Variants in TAOK3 observed in about 807,000 individuals in gnomAD.
The protein encoded by TAOK3 is TAO kinase 3.
A neutral mutation model predicts 120.4 loss-of-function variants in TAOK3; 40 were observed. The observed-to-expected ratio is 0.33, with a 90% confidence interval of 0.26 to 0.43. The LOEUF (loss-of-function observed/expected upper bound fraction) is 0.43. TAOK3 is among the 20% of genes least tolerant of loss of function. The pLI, the probability that TAOK3 is intolerant of heterozygous loss-of-function variation, is 1.00. For synonymous variants in TAOK3, 355 were observed against 387.5 expected (o/e 0.92, Z 0.99); for missense variants, 821 against 1,112.1 (o/e 0.74, Z 3.72).
chr12:118,220,499 T>C (rs542220150), intron 9 of TAOK3, among the ~76,000 whole-genome samples: 1 of 151,488 alleles, frequency 6.6e-6, no homozygotes, highest in East Asian at 2.0e-4. Context: ...CTTCATTCAC[T>C]ATTAGAAGGA....
At chr12:118,206,992 T>C (rs1295136889) in intron 11 of TAOK3, among the ~76,000 whole-genome samples, 1 of 152,126 alleles carries the variant, frequency 6.6e-6, no homozygotes, top group African/African-American at 2.4e-5. Context: ...CTCAAAAATA[T>C]GTTTACTTTC....
At chr12:118,358,142 A>T (rs563152090) in intron 1 of TAOK3, among the ~76,000 whole-genome samples, 48 of 152,292 alleles carry the variant, frequency 3.2e-4, no homozygotes, top group Middle Eastern at 3.4e-3. Flanking sequence ...TTTTGCATTA[A>T]CTTTTTAACA....
intron 1 of TAOK3, among the ~76,000 whole-genome samples, chr12:118,307,758 T>G (rs1323050620): frequency 1.3e-5 from 2 of 152,104 alleles, no homozygotes; most frequent in Non-Finnish European, 2.9e-5. Context: ...AAAACAAAAG[T>G]TCTGAATGCT....
intron 17 of TAOK3, among the ~76,000 whole-genome samples, chr12:118,168,986 TTCCTTCCTTCCTTC>T (rs1565885634): frequency 3.6e-4 from 49 of 134,864 alleles, no homozygotes; most frequent in Admixed American, 2.8e-3. Context: ...CCTTCCTTCC[TTCCTTCCTTCCTTC>T]CTTTCTTTCT....
intron 9 of TAOK3, among the ~76,000 whole-genome samples, chr12:118,226,311 G>A (rs2139723723): frequency 6.6e-6 from 1 of 152,222 alleles, no homozygotes; most frequent in African/African-American, 2.4e-5. Flanking sequence ...GGGAGGCGGA[G>A]CTTGCAGTGA....
chr12:118,212,282 A>G (rs1268632035), intron 11 of TAOK3, among the ~76,000 whole-genome samples: 3 of 152,242 alleles, frequency 2.0e-5, no homozygotes, highest in Admixed American at 2.0e-4. Flanking sequence ...TGCGCCAAAT[A>G]AAAGAAAACA....
At chr12:118,347,026 T>C (rs1434300709) in intron 1 of TAOK3, among the ~76,000 whole-genome samples, 1 of 152,090 alleles carries the variant, frequency 6.6e-6, no homozygotes, top group African/African-American at 2.4e-5. Flanking sequence ...TTAGACCAGG[T>C]CTCGCTCTGT....
chr12:118,209,812 CAAGTGATTCTCCTCCTTGAGCCTCCG>C (rs2038530937), intron 11 of TAOK3, among the ~76,000 whole-genome samples: 1 of 151,810 alleles, frequency 6.6e-6, no homozygotes, highest in African/African-American at 2.4e-5. Context: ...CTCCCAGGCT[CAAGTGATTCTCCTCCTTGAGCCTCCG>C]AAGCAGCTGG....
intron 8 of TAOK3, among the ~76,000 whole-genome samples, chr12:118,234,243 T>TTTTTTTTTTTTTTTTTTC (rs2039922541): frequency 9.3e-6 from 1 of 107,824 alleles, no homozygotes; most frequent in Non-Finnish European, 2.0e-5. Context: ...TTTTTTTTTT[T>TTTTTTTTTTTTTTTTTTC]TTTGAGACGG....
chr12:118,242,689 T>G (rs530487427), intron 5 of TAOK3, among the ~76,000 whole-genome samples: 5 of 152,102 alleles, frequency 3.3e-5, no homozygotes, highest in Admixed American at 1.3e-4. Context: ...GTGAACCCTA[T>G]CTCTACTAAA....
intron 1 of TAOK3, among the ~76,000 whole-genome samples, chr12:118,318,860 G>T (rs1363038811): frequency 6.6e-6 from 1 of 152,214 alleles, no homozygotes; most frequent in Non-Finnish European, 1.5e-5. Flanking sequence ...GGAAAATGTG[G>T]CATGTGTACA....
At chr12:118,335,241 A>G (rs991210544) in intron 1 of TAOK3, among the ~76,000 whole-genome samples, 2 of 152,064 alleles carry the variant, frequency 1.3e-5, no homozygotes, top group African/African-American at 4.8e-5. Flanking sequence ...TGTTCTTACC[A>G]CAATAACATA....
At chr12:118,189,701 C>T in intron 14 of TAOK3, 106 bp downstream of exon 14, 1 of 1,362,016 alleles carries the variant, frequency 7.3e-7, no homozygotes, top group Non-Finnish European at 1.0e-6. Context: ...ATTCTTGACT[C>T]CTTTCCTCCC....
At chr12:118,155,738 T>G (rs1171093211) in intron 19 of TAOK3, among the ~76,000 whole-genome samples, 1 of 152,084 alleles carries the variant, frequency 6.6e-6, no homozygotes, top group Non-Finnish European at 1.5e-5. Flanking sequence ...CTCTCTCATC[T>G]TATTTATTTT....
chr12:118,239,368 G>T, intron 5 of TAOK3, 96 bp from the exon 6 acceptor site: 2 of 683,052 alleles, frequency 2.9e-6, no homozygotes, highest in Admixed American at 2.9e-5. Context: ...AGAATACTAG[G>T]TGAATAAATA....
At chr12:118,203,668 C>A (rs561939528) in intron 11 of TAOK3, among the ~76,000 whole-genome samples, 3 of 147,324 alleles carry the variant, frequency 2.0e-5, no homozygotes, top group African/African-American at 7.5e-5. Flanking sequence ...CACACCATTG[C>A]ACTCCAGCCT....
intron 14 of TAOK3, among the ~76,000 whole-genome samples, chr12:118,182,464 T>C (rs892405849): frequency 2.0e-4 from 30 of 151,672 alleles, no homozygotes; most frequent in Non-Finnish European, 4.3e-4. Flanking sequence ...ACCCACTAGA[T>C]GGCAGTAGCA....
chr12:118,175,575 C>T (rs1002141421), intron 16 of TAOK3, among the ~76,000 whole-genome samples: 2 of 151,486 alleles, frequency 1.3e-5, no homozygotes, highest in Admixed American at 1.3e-4. Flanking sequence ...TGCAGTGAGC[C>T]GAGACTATGA....
intron 1 of TAOK3, among the ~76,000 whole-genome samples, chr12:118,303,221 C>T (rs949510805): frequency 6.6e-6 from 1 of 152,086 alleles, no homozygotes; most frequent in Non-Finnish European, 1.5e-5. Flanking sequence ...TGAAATCAGC[C>T]CCCATTCCTT....
Sources: gnomAD v4.1 joint callset for allele counts (sites outside exome capture counted in the v4.1 genomes callset) on GRCh38, gnomAD v4.1.1 for gene constraint, MANE v1.5 for transcripts, NCBI Gene and HGNC (gene_info 2026-07-23, HGNC 2026-07-21) for gene names.